ASTN2: variants seen among roughly 807,000 people sequenced by gnomAD.
ASTN2 encodes astrotactin 2, also known as astrotactin-2.
Under a neutral mutation model 139.8 loss-of-function variants are expected in ASTN2, and 54 were observed. The observed-to-expected ratio is 0.39, with a 90% confidence interval of 0.31 to 0.48. ASTN2 has a LOEUF of 0.48. Ranked by LOEUF, ASTN2 falls within the 20% of genes least tolerant of loss-of-function variation. ASTN2 has a pLI of 0.95. For missense variants in ASTN2, 1,565 were observed against 1,725.1 expected (o/e 0.91, Z 1.64); for synonymous variants, 756 against 719.5 (o/e 1.05, Z -0.81).
chr9:116,746,929 C>T (rs1016780226), intron 13 of ASTN2, among the ~76,000 whole-genome samples: 1 of 152,106 alleles, frequency 6.6e-6, no homozygotes, highest in Non-Finnish European at 1.5e-5. Flanking sequence ...AGTGCTTATT[C>T]AATAAATTGC....
intron 4 of ASTN2, among the ~76,000 whole-genome samples, chr9:117,122,374 G>A (rs1266652238): frequency 6.6e-6 from 1 of 152,096 alleles, no homozygotes; most frequent in Non-Finnish European, 1.5e-5. Flanking sequence ...TGCAGTAGCA[G>A]ATGGCCCAGG....
chr9:116,858,487 C>T (rs888920658), intron 11 of ASTN2, among the ~76,000 whole-genome samples: 3 of 152,110 alleles, frequency 2.0e-5, no homozygotes, highest in Admixed American at 6.6e-5. Flanking sequence ...GTCCTCCATA[C>T]GATGCTGTGA....
chr9:117,389,637 C>T (rs911307093), intron 1 of ASTN2, among the ~76,000 whole-genome samples: 8 of 152,088 alleles, frequency 5.3e-5, no homozygotes, highest in African/African-American at 1.7e-4. Context: ...GGACCATATT[C>T]GACACTGGTA....
At chr9:116,629,302 AG>A (rs1856618928) in intron 17 of ASTN2, among the ~76,000 whole-genome samples, 1 of 152,000 alleles carries the variant, frequency 6.6e-6, no homozygotes, top group South Asian at 2.1e-4. Flanking sequence ...CATTTTTGGT[AG>A]AGATGGGGTT....
At position 117,008,389 on chromosome 9, in the gene ASTN2, G is replaced by T. The variant is rs541471895; in HGVS notation, c.1424-130C>A. The T allele has an allele frequency of 5.4e-6, 4 of 744,322 alleles. No homozygotes were observed. In the Admixed American group the frequency reaches 1.1e-4, roughly 21 times the overall value. The allele number at this position is 744,322 out of a possible 1,614,324, so 46.1% of individuals were successfully genotyped here. ...TGATCTCATTTGTCTAAGTGCACTT[G>T]CAATGTGCCCGTCATGGTGTTGCAA... On this transcript the variant is annotated intron_variant, in intron 6 of 22. Transcript: ENST00000313400.
At chr9:116,802,243 C>G (rs567403090) in intron 13 of ASTN2, among the ~76,000 whole-genome samples, 2 of 151,984 alleles carry the variant, frequency 1.3e-5, no homozygotes, top group African/African-American at 4.8e-5. Context: ...GCCGCCACCA[C>G]GCCCGGCTAA....
At position 117,241,388 on chromosome 9, in the gene ASTN2, G is replaced by C. The variant is rs117231806; in HGVS notation, c.631-26646C>G. 7.3e-4 allele frequency among the ~76,000 whole-genome samples: 111 copies of C among 152,264 alleles called. No individual in the cohort carries two copies. The East Asian group carries it at 0.02, about 27-fold the overall frequency. On this transcript the variant is annotated intron_variant, in intron 2 of 22. Transcript: ENST00000313400. ...CAAGCAGGGAGAATCTTCTGAAGTAGGAGGCCTAAACACAAAGACCTATAG... is the reference window on the plus strand; with the variant it reads ...CAAGCAGGGAGAATCTTCTGAAGTACGAGGCCTAAACACAAAGACCTATAG...
At chr9:116,469,756 A>G (rs1008793320) in intron 20 of ASTN2, among the ~76,000 whole-genome samples, 2 of 152,232 alleles carry the variant, frequency 1.3e-5, no homozygotes, top group East Asian at 3.8e-4. Context: ...GTACACAGAT[A>G]AAACAAACAC....
At chr9:116,871,114 T>A (rs879413002) in intron 10 of ASTN2, among the ~76,000 whole-genome samples, 2 of 151,936 alleles carry the variant, frequency 1.3e-5, no homozygotes, top group Non-Finnish European at 2.9e-5. Context: ...AAAAATTAGC[T>A]GGGTGTGGTG....
intron 7 of ASTN2, among the ~76,000 whole-genome samples, chr9:116,996,565 G>A (rs957650877): frequency 2.0e-5 from 3 of 151,994 alleles, no homozygotes. Flanking sequence ...AAGATAAGGA[G>A]GAGTGAACCA....
intron 1 of ASTN2, among the ~76,000 whole-genome samples, chr9:117,379,246 A>G (rs760599734): frequency 6.6e-6 from 1 of 152,150 alleles, no homozygotes; most frequent in Admixed American, 6.6e-5. Context: ...ATGCTTCCCC[A>G]CCACGACAGT....
intron 19 of ASTN2, among the ~76,000 whole-genome samples, chr9:116,522,544 A>G (rs111407841): frequency 0.013 from 1,982 of 152,192 alleles, 38 homozygotes; most frequent in African/African-American, 0.045. Flanking sequence ...GGGATAAAAG[A>G]CTACACATTG....
chr9:116,815,229 C>T (rs535846110), intron 12 of ASTN2, among the ~76,000 whole-genome samples: 3 of 152,172 alleles, frequency 2.0e-5, no homozygotes, highest in South Asian at 2.1e-4. Context: ...AATGAAAATA[C>T]GTGGCTTCCA....
chr9:116,772,687 C>T (rs1234229357), intron 13 of ASTN2, among the ~76,000 whole-genome samples: 1 of 152,156 alleles, frequency 6.6e-6, no homozygotes, highest in Admixed American at 6.5e-5. Flanking sequence ...GATCACTGAG[C>T]CCCATTCCCA....
chr9:117,169,403 G>A (rs528690512), intron 3 of ASTN2, among the ~76,000 whole-genome samples: 5 of 152,126 alleles, frequency 3.3e-5, no homozygotes, highest in Non-Finnish European at 5.9e-5. Flanking sequence ...GAAGAGGCAC[G>A]TGGGCTTGGG....
intron 19 of ASTN2, among the ~76,000 whole-genome samples, chr9:116,491,560 C>A (rs1164141336): frequency 2.0e-5 from 3 of 152,146 alleles, no homozygotes; most frequent in Non-Finnish European, 4.4e-5. Context: ...AATCTGACAA[C>A]AGGAAGGGTT....
intron 13 of ASTN2, among the ~76,000 whole-genome samples, chr9:116,803,997 C>T (rs892012207): frequency 2.0e-5 from 3 of 151,814 alleles, no homozygotes; most frequent in Non-Finnish European, 2.9e-5. Flanking sequence ...AGCATTCAGT[C>T]TCTGCTTGAG....
chr9:116,564,711 T>C (rs915757919), intron 19 of ASTN2, among the ~76,000 whole-genome samples: 1 of 152,224 alleles, frequency 6.6e-6, no homozygotes, highest in Non-Finnish European at 1.5e-5. Flanking sequence ...CCTCCCATTC[T>C]TCTTTCCTTC....
chr9:116,750,543 A>ACT (rs71379224), intron 13 of ASTN2, among the ~76,000 whole-genome samples: 84,099 of 150,548 alleles, frequency 0.56, 24,211 homozygotes, highest in South Asian at 0.76. Context: ...TTCCTTGTTC[A>ACT]CTCTCTCTCT....
Sources: allele counts gnomAD v4.1 joint callset (sites outside exome capture counted in the v4.1 genomes callset), GRCh38; gene constraint gnomAD v4.1.1; transcripts MANE v1.5; gene names NCBI Gene and HGNC (gene_info 2026-07-23, HGNC 2026-07-21).